Variants in PALD1 observed in about 807,000 individuals in gnomAD.
PALD1 encodes paladin.
In PALD1, 57 loss-of-function variants were observed where a neutral mutation model predicts 96.0. That is an observed-to-expected ratio of 0.59 (90% CI 0.48 to 0.74). The LOEUF (loss-of-function observed/expected upper bound fraction) is 0.74. Among genes scored for constraint, PALD1 ranks in the 30% least tolerant of loss-of-function variants. The pLI is 0.00. For synonymous variants in PALD1, 464 were observed against 473.6 expected (o/e 0.98, Z 0.26); for missense variants, 1,063 against 1,143.7 (o/e 0.93, Z 1.02).
At chr10:70,559,146 C>T (rs12358877) in intron 18 of PALD1, among the ~76,000 whole-genome samples, 18,328 of 152,008 alleles carry the variant, frequency 0.12, 1,219 homozygotes, top group Middle Eastern at 0.19. Context: ...TATGAGGTGC[C>T]GACGGGGCGG....
At chr10:70,516,873 T>G (rs76773001) in intron 1 of PALD1, among the ~76,000 whole-genome samples, 3,723 of 149,342 alleles carry the variant, frequency 0.025, 76 homozygotes, top group African/African-American at 0.059. Context: ...ACATTGTTAA[T>G]GAGATATTTT....
At position 70,526,040 on chromosome 10, in the gene PALD1, G is replaced by A. The variant is rs749118272; in HGVS notation, c.89G>A (p.Arg30Gln). 2.1e-5 allele frequency: 34 copies of A among 1,613,994 alleles called. No individual in the cohort carries two copies. The highest frequency in any genetic ancestry group is 6.6e-5 in the South Asian group (6 of 91,082). The change falls in exon 2 of 20, where the codon CGG becomes CAG. Residue 30 changes from arginine (R) to glutamine (Q), a missense_variant. Arg to Gln is a conservative substitution (Grantham distance 43, BLOSUM62 1). Coordinates refer to ENST00000263563, the MANE Select transcript of PALD1 (RefSeq NM_014431.3). ...GLQGSGTMDSRHSVSIHSFQS... is the reference protein window; with the variant it reads ...GLQGSGTMDSQHSVSIHSFQS... ...CAGGGCAGTGGCACGATGGACAGTC[G>A]GCACTCCGTCAGCATCCACTCCTTC... is the stretch of plus-strand genomic sequence containing the variant.
intron 1 of PALD1, among the ~76,000 whole-genome samples, chr10:70,491,418 C>CTTT (rs36018718): frequency 9.3e-5 from 14 of 150,852 alleles, no homozygotes; most frequent in Middle Eastern, 3.2e-3. Context: ...TCCCCACCTG[C>CTTT]TTTTTTTTTC....
At chr10:70,482,426 T>C (rs1188700858) in intron 1 of PALD1, among the ~76,000 whole-genome samples, 2 of 152,166 alleles carry the variant, frequency 1.3e-5, no homozygotes, top group African/African-American at 4.8e-5. Flanking sequence ...GCAGATGGAC[T>C]TTTTATGTTT....
At chr10:70,546,674 G>A (rs1330080071) in intron 17 of PALD1, among the ~76,000 whole-genome samples, 2 of 152,196 alleles carry the variant, frequency 1.3e-5, no homozygotes, top group African/African-American at 4.8e-5. Context: ...CAAATTTTAA[G>A]CTGGAAAGTT....
Position 70,537,827 on chromosome 10 carries a change from A to ACAGCGT in PALD1, c.1246_1251dup (p.Ser416_Val417dup), listed in dbSNP as rs754003626. Reference sequence around the variant, plus strand: ...CTCTCTCAGGGAAGCGGCAGCCGACACAGCGTCTGGCAGAGGGCGCTGTGG... The same window carrying ACAGCGT: ...CTCTCTCAGGGAAGCGGCAGCCGACACAGCGTCAGCGTCTGGCAGAGGGCGCTGTGG... On this transcript the variant is annotated inframe_insertion, in exon 11 of 20. Coordinates refer to ENST00000263563, the MANE Select transcript of PALD1 (RefSeq NM_014431.3). 178 of 1,612,830 alleles carry ACAGCGT rather than the reference A, an allele frequency of 1.1e-4. No homozygotes were observed. Among genetic ancestry groups the ACAGCGT allele is most frequent in the Non-Finnish European group, 1.5e-4 (173 of 1,179,172 alleles).
intron 1 of PALD1, among the ~76,000 whole-genome samples, chr10:70,503,175 C>T (rs1234214744): frequency 6.6e-6 from 1 of 152,150 alleles, no homozygotes; most frequent in Non-Finnish European, 1.5e-5. Flanking sequence ...CCACCATGCC[C>T]AGCCGATTTC....
intron 18 of PALD1, among the ~76,000 whole-genome samples, chr10:70,558,791 G>A (rs1000328567): frequency 2.4e-4 from 37 of 152,160 alleles, no homozygotes; most frequent in African/African-American, 8.9e-4. Context: ...TTTAGAGAAA[G>A]TATGAAAATA....
At chr10:70,527,551 C>G (rs1223706421) in intron 2 of PALD1, among the ~76,000 whole-genome samples, 1 of 152,198 alleles carries the variant, frequency 6.6e-6, no homozygotes, top group Non-Finnish European at 1.5e-5. Context: ...GTAGTTGCAA[C>G]AGGCGCTGTA....
chr10:70,461,607 G>T, the PALD1 span, among the ~76,000 whole-genome samples: 13 of 152,156 alleles, frequency 8.5e-5, no homozygotes, highest in African/African-American at 2.9e-4. Context: ...CACCTCTGTA[G>T]ATGGGTACCC....
At chr10:70,470,414 C>G in the PALD1 span, among the ~76,000 whole-genome samples, 1 of 152,008 alleles carries the variant, frequency 6.6e-6, no homozygotes, top group African/African-American at 2.4e-5. Context: ...GGTCAGTCTG[C>G]TCCCCTCTCC....
chr10:70,476,522 G>A (rs1564677890), upstream of PALD1, among the ~76,000 whole-genome samples: 1 of 152,184 alleles, frequency 6.6e-6, no homozygotes, highest in Admixed American at 6.5e-5. Context: ...CTGGTGGTGG[G>A]CTGGTGAGGC....
chr10:70,512,956 A>G (rs928667406), intron 1 of PALD1, among the ~76,000 whole-genome samples: 1 of 152,212 alleles, frequency 6.6e-6, no homozygotes, highest in African/African-American at 2.4e-5. Context: ...CGGGTGGCTA[A>G]TTAGAGTGGA....
Position 70,538,311 on chromosome 10 carries a change from G to T in PALD1, c.1355G>T (p.Arg452Leu), listed in dbSNP as rs147348399. ...YPLAFALSFSRWLCAHPELYR... is the reference protein window; with the variant it reads ...YPLAFALSFSLWLCAHPELYR... Reference sequence around the variant, plus strand: ...CTGGCCTTTGCCCTCAGTTTCAGCCGCTGGCTGTGTGCCCACCCTGAGCTG... The same window carrying T: ...CTGGCCTTTGCCCTCAGTTTCAGCCTCTGGCTGTGTGCCCACCCTGAGCTG... The change falls in exon 12 of 20, where the codon CGC becomes CTC. Residue 452 changes from arginine (R) to leucine (L), a missense_variant. By Grantham distance (102) the Arg-to-Leu change is moderately radical. Coordinates refer to ENST00000263563, the MANE Select transcript of PALD1 (RefSeq NM_014431.3). The T allele has an allele frequency of 4.4e-6, 7 of 1,605,032 alleles. No homozygotes were observed. Among genetic ancestry groups the T allele is most frequent in the Non-Finnish European group, 5.1e-6 (6 of 1,179,866 alleles).
rs1312187742 is a variant in PALD1 at position 70,564,436 on chromosome 10, GT to G, written c.2336del (p.Val779AlafsTer3). The G allele has an allele frequency of 1.9e-6, 3 of 1,614,178 alleles. No homozygotes were observed. The highest frequency in any genetic ancestry group is 2.5e-6 in the Non-Finnish European group (3 of 1,180,004). ...GAGCCTGCAGTACTTGGAGCGCTAT[GT>G]CTGCCTGATTCTCTTCAACGCGTAC... ...LRSLQYLERY[V>X]CLILFNAYLH... On this transcript the variant is annotated frameshift_variant, in exon 19 of 20. Transcript: ENST00000263563. LOFTEE classifies it high-confidence loss of function.
At chr10:70,494,388 T>C (rs1247659057) in intron 1 of PALD1, among the ~76,000 whole-genome samples, 6 of 152,242 alleles carry the variant, frequency 3.9e-5, no homozygotes, top group Admixed American at 1.3e-4. Context: ...CCAGAAATGT[T>C]TGTAGGATAG....
chr10:70,517,156 A>T (rs1386959855), intron 1 of PALD1, among the ~76,000 whole-genome samples: 1 of 152,198 alleles, frequency 6.6e-6, no homozygotes, highest in Non-Finnish European at 1.5e-5. Flanking sequence ...CCCATTTCAC[A>T]GAAGTGGCAG....
intron 1 of PALD1, among the ~76,000 whole-genome samples, chr10:70,482,030 C>A (rs1374036478): frequency 6.6e-6 from 1 of 152,126 alleles, no homozygotes; most frequent in Non-Finnish European, 1.5e-5. Context: ...GGAGTGAGTG[C>A]TCAGTTGATG....
chr10:70,557,464 C>T (rs550397443), intron 18 of PALD1, among the ~76,000 whole-genome samples: 2 of 152,300 alleles, frequency 1.3e-5, no homozygotes, highest in South Asian at 2.1e-4. Flanking sequence ...GAGTGGCCCA[C>T]GGCACCAGGT....
Sources: gnomAD v4.1 joint callset for allele counts (sites outside exome capture counted in the v4.1 genomes callset) on GRCh38, gnomAD v4.1.1 for gene constraint, MANE v1.5 for transcripts, NCBI Gene and HGNC (gene_info 2026-07-23, HGNC 2026-07-21) for gene names.